PTPN2: variants seen among roughly 807,000 people sequenced by gnomAD.
PTPN2 encodes the protein protein tyrosine phosphatase non-receptor type 2.
A neutral mutation model predicts 57.3 loss-of-function variants in PTPN2; 19 were observed. The ratio of observed to expected loss-of-function variants is 0.33; its 90% CI spans 0.23 to 0.49. PTPN2 has a LOEUF of 0.49. PTPN2 is among the 20% of genes least tolerant of loss of function. The pLI is 0.99. For synonymous variants in PTPN2, 153 were observed against 164.9 expected (o/e 0.93, Z 0.55); for missense variants, 358 against 501.1 (o/e 0.71, Z 2.73).
intron 1 of PTPN2, among the ~76,000 whole-genome samples, chr18:12,874,536 G>GT (rs2044410557): frequency 8.7e-6 from 1 of 115,532 alleles, no homozygotes; most frequent in Non-Finnish European, 1.7e-5. Flanking sequence ...AGGAAGGTGG[G>GT]GGGGGGTCAG....
chr18:12,863,790 G>T (rs570520361), intron 1 of PTPN2: 1 of 152,026 alleles, frequency 6.6e-6, no homozygotes, highest in Non-Finnish European at 1.5e-5. Flanking sequence ...AAATGGCAAG[G>T]ATCTTTGCTT....
At chr18:12,845,891 T>A (rs2043188924) in intron 2 of PTPN2, among the ~76,000 whole-genome samples, 1 of 152,172 alleles carries the variant, frequency 6.6e-6, no homozygotes, top group South Asian at 2.1e-4. Context: ...CCATCGAAAT[T>A]ATAAAATTAA....
At chr18:12,850,916 T>C (rs1184998576) in intron 2 of PTPN2, among the ~76,000 whole-genome samples, 1 of 152,084 alleles carries the variant, frequency 6.6e-6, no homozygotes, top group Non-Finnish European at 1.5e-5. Flanking sequence ...ATCTTTGTAT[T>C]TTTAGTAGAG....
chr18:12,860,917 A>C (rs1338898909), intron 1 of PTPN2, among the ~76,000 whole-genome samples: 1 of 152,246 alleles, frequency 6.6e-6, no homozygotes, highest in Non-Finnish European at 1.5e-5. Flanking sequence ...AGAAACCAAA[A>C]AAAAAGCATT....
intron 1 of PTPN2, among the ~76,000 whole-genome samples, chr18:12,870,159 T>C (rs940117237): frequency 6.7e-6 from 1 of 149,484 alleles, no homozygotes; most frequent in African/African-American, 2.5e-5. Flanking sequence ...ATGTGTGTTA[T>C]CTAAGAGGTG....
intron 2 of PTPN2, among the ~76,000 whole-genome samples, chr18:12,846,873 G>C (rs2043227062): frequency 6.6e-6 from 1 of 152,110 alleles, no homozygotes; most frequent in Admixed American, 6.5e-5. Flanking sequence ...CAATATTACA[G>C]GCTTCTTTTT....
At chr18:12,823,475 A>C (rs1176067043) in intron 5 of PTPN2, among the ~76,000 whole-genome samples, 1 of 152,110 alleles carries the variant, frequency 6.6e-6, no homozygotes, top group Non-Finnish European at 1.5e-5. Flanking sequence ...GGAGTTCAAG[A>C]TCAGTCTGGC....
chr18:12,807,605 A>ATATAT (rs1555660843), intron 7 of PTPN2, among the ~76,000 whole-genome samples: 1 of 110,514 alleles, frequency 9.0e-6, no homozygotes, highest in Non-Finnish European at 1.9e-5. Context: ...ATATATATAT[A>ATATAT]ATATAATACT....
At chr18:12,804,433 C>CA (rs35298218) in intron 7 of PTPN2, among the ~76,000 whole-genome samples, 43 of 149,168 alleles carry the variant, frequency 2.9e-4, no homozygotes, top group African/African-American at 1.0e-3. Context: ...ATAAAGTGAC[C>CA]AAAAAAAAGA....
chr18:12,831,731 T>C (rs2042676802), intron 3 of PTPN2, among the ~76,000 whole-genome samples: 1 of 152,178 alleles, frequency 6.6e-6, no homozygotes, highest in Non-Finnish European at 1.5e-5. Context: ...AAACTGTTAA[T>C]CTACAAATGC....
At chr18:12,802,855 C>G (rs1205613236) in intron 7 of PTPN2, among the ~76,000 whole-genome samples, 2 of 152,218 alleles carry the variant, frequency 1.3e-5, no homozygotes, top group East Asian at 3.9e-4. Flanking sequence ...ACAAGAAATG[C>G]TTAAGGGAGC....
intron 7 of PTPN2, among the ~76,000 whole-genome samples, chr18:12,809,376 A>G (rs1476934492): frequency 1.3e-5 from 2 of 152,240 alleles, no homozygotes; most frequent in Admixed American, 1.3e-4. Flanking sequence ...GGGCCCCTGC[A>G]GATGAAAGCA....
chr18:12,808,429 A>C (rs1235408439), intron 7 of PTPN2, among the ~76,000 whole-genome samples: 3 of 152,176 alleles, frequency 2.0e-5, no homozygotes, highest in Non-Finnish European at 1.5e-5. Context: ...TCATTACATA[A>C]ATGTATCAAA....
rs2044785117 is a variant in PTPN2 at position 12,884,210 on chromosome 18, G to C, written c.-69C>G. 3 of 1,296,450 alleles carry C rather than the reference G, an allele frequency of 2.3e-6. No homozygotes were observed. The highest frequency in any genetic ancestry group is 2.1e-6 in the Non-Finnish European group (2 of 968,864). 80.3% of individuals were successfully genotyped at this position (1,296,450 alleles called of 1,614,324 possible). A position where few individuals can be genotyped will look rare whatever the true frequency, so the allele number is the denominator to read the frequency against. On this transcript the variant is annotated 5_prime_UTR_variant, in exon 1 of 9. Transcript: ENST00000309660. The stretch of plus-strand genomic sequence containing the variant: ...AGAGGCTCAGGCCCCGCACGATCCG[G>C]GGAGAGCGCTGGCGCTGCGGCGCAT...
chr18:12,797,206 A>G (rs892059777), intron 8 of PTPN2, among the ~76,000 whole-genome samples: 1 of 152,160 alleles, frequency 6.6e-6, no homozygotes, highest in South Asian at 2.1e-4. Flanking sequence ...GCCCTTTATT[A>G]GCTTTTGCCA....
Position 12,792,284 on chromosome 18 carries a change from T to C in PTPN2, c.*1994A>G, listed in dbSNP as rs2041005531. The C allele has an allele frequency of 2.3e-6, 1 of 433,332 alleles. No homozygotes were observed. The highest frequency in any genetic ancestry group is 2.8e-6 in the Non-Finnish European group (1 of 351,892). The allele number at this position is 433,332 out of a possible 1,614,324, so 26.8% of individuals were successfully genotyped here. ...TATCTATACCAATGGTTTTCAAACTTTTTTTTTTTTTTTTTTTGAGACGAA... is the reference window on the plus strand; with the variant it reads ...TATCTATACCAATGGTTTTCAAACTCTTTTTTTTTTTTTTTTTGAGACGAA... On this transcript the variant is annotated 3_prime_UTR_variant, in exon 9 of 9. Coordinates refer to ENST00000309660, the MANE Select transcript of PTPN2 (RefSeq NM_002828.4).
chr18:12,802,236 T>G, intron 7 of PTPN2, 85 bp from the exon 8 acceptor site: 1 of 1,102,464 alleles, frequency 9.1e-7, no homozygotes, highest in Non-Finnish European at 1.3e-6. Context: ...ATTAAAATCC[T>G]ATATTCAAGT....
downstream of PTPN2, among the ~76,000 whole-genome samples, chr18:12,790,153 G>T (rs892600328): frequency 1.3e-5 from 2 of 151,902 alleles, no homozygotes; most frequent in Non-Finnish European, 2.9e-5. Flanking sequence ...CAAACTCCTG[G>T]GCTCAAGCAA....
At position 12,794,103 on chromosome 18, in the gene PTPN2, T is replaced by C. The variant is rs751873689; in HGVS notation, c.*175A>G. The C allele has an allele frequency of 4.2e-6, 6 of 1,436,170 alleles. No homozygotes were observed. The highest frequency in any genetic ancestry group is 2.9e-5 in the African/African-American group (2 of 69,816). 89.0% of individuals were successfully genotyped at this position (1,436,170 alleles called of 1,614,324 possible). ...TTACAGTTTGGGGTTCAGAGGAACC[T>C]GCAGTCAAGAGTCCTGAGATGTTGG... On this transcript the variant is annotated 3_prime_UTR_variant, in exon 9 of 9. Transcript: ENST00000309660.
Sources: allele counts gnomAD v4.1 joint callset (sites outside exome capture counted in the v4.1 genomes callset), GRCh38; gene constraint gnomAD v4.1.1; transcripts MANE v1.5; gene names NCBI Gene and HGNC (gene_info 2026-07-23, HGNC 2026-07-21).